The following SLC35F1 variants were observed in gnomAD, a reference collection of about 807,000 sequenced individuals.
SLC35F1 encodes the protein solute carrier family 35 member F1.
A neutral mutation model predicts 48.7 loss-of-function variants in SLC35F1; 14 were observed. That is an observed-to-expected ratio of 0.29 (90% CI 0.19 to 0.45). The LOEUF is 0.45. Among genes scored for constraint, SLC35F1 ranks in the 20% least tolerant of loss-of-function variants. The pLI is 1.00. For missense variants in SLC35F1, 404 were observed against 500.0 expected, an observed-to-expected ratio of 0.81 and a Z score of 1.83; for synonymous variants, 190 against 202.2, an observed-to-expected ratio of 0.94 and a Z score of 0.51.
intron 1 of SLC35F1, among the ~76,000 whole-genome samples, chr6:118,072,066 ATTAT>A (rs1310488736): frequency 2.0e-5 from 3 of 152,112 alleles, no homozygotes; most frequent in African/African-American, 7.2e-5. Flanking sequence ...TCCTGGACTA[ATTAT>A]TTATGCATCT....
At chr6:118,048,672 C>T (rs750927925) in intron 1 of SLC35F1, among the ~76,000 whole-genome samples, 28 of 152,104 alleles carry the variant, frequency 1.8e-4, no homozygotes, top group Non-Finnish European at 2.9e-4. Flanking sequence ...TGAAGGACCT[C>T]TTCAAGGAGA....
At chr6:118,216,086 G>GGT (rs1775068469) in intron 2 of SLC35F1, among the ~76,000 whole-genome samples, 1 of 109,856 alleles carries the variant, frequency 9.1e-6, no homozygotes, top group African/African-American at 3.4e-5. Flanking sequence ...TTTGTTTTTT[G>GGT]TTTTTTTTTT....
At chr6:118,181,897 A>T (rs560892283) in intron 2 of SLC35F1, among the ~76,000 whole-genome samples, 2 of 152,274 alleles carry the variant, frequency 1.3e-5, no homozygotes, top group East Asian at 3.9e-4. Context: ...GCCTGTAAAA[A>T]TACCTAGTAA....
intron 2 of SLC35F1, among the ~76,000 whole-genome samples, chr6:118,199,523 G>C (rs1774845447): frequency 6.6e-6 from 1 of 152,194 alleles, no homozygotes; most frequent in African/African-American, 2.4e-5. Context: ...ATAGGTTTAA[G>C]TGAACATATG....
intron 3 of SLC35F1, among the ~76,000 whole-genome samples, chr6:118,241,598 TGTG>T (rs1775441396): frequency 6.6e-6 from 1 of 152,014 alleles, no homozygotes; most frequent in African/African-American, 2.4e-5. Flanking sequence ...TGTGTGTGTG[TGTG>T]TGTGTGTCTG....
At chr6:118,012,332 A>AG (rs974327201) in intron 1 of SLC35F1, among the ~76,000 whole-genome samples, 8 of 151,730 alleles carry the variant, frequency 5.3e-5, no homozygotes, top group African/African-American at 1.9e-4. Flanking sequence ...TGGGGAAAAA[A>AG]AAAAAAAAGA....
chr6:117,966,491 T>A lies in SLC35F1; in HGVS notation c.173+58592T>A, dbSNP rs1467114575. 2.6e-5 allele frequency among the ~76,000 whole-genome samples: 4 copies of A among 151,408 alleles called. No homozygotes were observed. The East Asian group carries it at 7.8e-4, about 30-fold the overall frequency. On this transcript the variant is annotated intron_variant, in intron 1 of 7. Transcript: ENST00000360388. The stretch of plus-strand genomic sequence containing the variant: ...CCTTTATGAACTGTAACACTCACTG[T>A]GAAGGTCTGCAGCTTCACTCCTGAA...
chr6:118,146,592 C>T (rs903189321), intron 1 of SLC35F1, among the ~76,000 whole-genome samples: 19 of 152,076 alleles, frequency 1.2e-4, no homozygotes, highest in African/African-American at 4.4e-4. Flanking sequence ...TAAAATTATC[C>T]CAACTTCCAG....
chr6:118,263,206 G>T (rs550311966), intron 3 of SLC35F1, among the ~76,000 whole-genome samples: 2 of 152,094 alleles, frequency 1.3e-5, no homozygotes, highest in Non-Finnish European at 2.9e-5. Flanking sequence ...ACAGGCATGC[G>T]CCATCATGCC....
chr6:118,003,168 A>C (rs1199919380), intron 1 of SLC35F1, among the ~76,000 whole-genome samples: 1 of 152,232 alleles, frequency 6.6e-6, no homozygotes, highest in African/African-American at 2.4e-5. Context: ...TCAGGATAAA[A>C]TAGTTCAGGA....
intron 4 of SLC35F1, among the ~76,000 whole-genome samples, chr6:118,274,387 T>C (rs1478574801): frequency 5.9e-5 from 9 of 152,206 alleles, no homozygotes. Context: ...CAAAATTGAG[T>C]TTATTTTTAT....
intron 1 of SLC35F1, among the ~76,000 whole-genome samples, chr6:117,998,568 A>G (rs1055053960): frequency 6.6e-6 from 1 of 152,350 alleles, no homozygotes; most frequent in Non-Finnish European, 1.5e-5. Flanking sequence ...AAATTATAAC[A>G]AACTATCTCT....
intron 1 of SLC35F1, among the ~76,000 whole-genome samples, chr6:118,021,469 AGCACAGGCTTGTTC>A (rs1168081735): frequency 6.6e-6 from 1 of 152,212 alleles, no homozygotes; most frequent in Non-Finnish European, 1.5e-5. Flanking sequence ...GACTGTCAGT[AGCACAGGCTTGTTC>A]TTGGCAGACC....
intron 2 of SLC35F1, among the ~76,000 whole-genome samples, chr6:118,191,793 T>C (rs1173448153): frequency 6.6e-6 from 1 of 152,200 alleles, no homozygotes; most frequent in Non-Finnish European, 1.5e-5. Flanking sequence ...CCAGAAAACA[T>C]GCATTGAAAA....
chr6:118,085,047 T>C (rs1361168075), intron 1 of SLC35F1, among the ~76,000 whole-genome samples: 1 of 152,138 alleles, frequency 6.6e-6, no homozygotes, highest in Non-Finnish European at 1.5e-5. Flanking sequence ...GGTGGGGGTC[T>C]GTGTCTGGAG....
intron 1 of SLC35F1, among the ~76,000 whole-genome samples, chr6:117,915,966 G>T (rs1429570820): frequency 6.6e-6 from 1 of 152,204 alleles, no homozygotes; most frequent in Non-Finnish European, 1.5e-5. Flanking sequence ...ACTCAGCAGT[G>T]CCTGTCAAAT....
chr6:118,230,114 G>A lies in SLC35F1; in HGVS notation c.350-5395G>A, dbSNP rs545482383. 1.5e-3 allele frequency among the ~76,000 whole-genome samples: 230 copies of A among 152,226 alleles called. 1 individual carries two copies. The highest frequency in any genetic ancestry group is 5.4e-3 in the African/African-American group (223 of 41,554). On this transcript the variant is annotated intron_variant, in intron 2 of 7. Coordinates refer to ENST00000360388, the MANE Select transcript of SLC35F1 (RefSeq NM_001029858.4). ...CCCAGCACTTTGGGAGGCCATGGTG[G>A]GCCGATCACAAGGTCAGGAGATCAA...
chr6:118,164,560 T>C (rs920918602), intron 2 of SLC35F1, among the ~76,000 whole-genome samples: 2 of 152,216 alleles, frequency 1.3e-5, no homozygotes, highest in African/African-American at 4.8e-5. Flanking sequence ...TAATAGTAAA[T>C]TCTTTACAAG....
intron 3 of SLC35F1, among the ~76,000 whole-genome samples, chr6:118,236,301 A>G (rs1012645852): frequency 7.9e-5 from 12 of 152,154 alleles, no homozygotes; most frequent in African/African-American, 2.9e-4. Context: ...TTTGACAGAC[A>G]TATATATTCC....
Sources: allele counts gnomAD v4.1 joint callset (sites outside exome capture counted in the v4.1 genomes callset), GRCh38; gene constraint gnomAD v4.1.1; transcripts MANE v1.5; gene names NCBI Gene and HGNC (gene_info 2026-07-23, HGNC 2026-07-21).